LMAN1: variants seen among roughly 807,000 people sequenced by gnomAD.
LMAN1 encodes protein ERGIC-53.
Under a neutral mutation model 67.8 loss-of-function variants are expected in LMAN1, and 32 were observed. The observed-to-expected ratio is 0.47, with a 90% CI of 0.36 to 0.63. The LOEUF is 0.63. Ranked by LOEUF, LMAN1 falls within the 30% of genes least tolerant of loss-of-function variation. The pLI, the probability that LMAN1 is intolerant of heterozygous loss-of-function variation, is 0.00. For missense variants in LMAN1, 632 were observed against 628.2 expected (o/e 1.01, Z -0.06); for synonymous variants, 235 against 219.3 (o/e 1.07, Z -0.63).
chr18:59,350,755 A>G (rs1908526701), intron 5 of LMAN1, among the ~76,000 whole-genome samples: 1 of 152,082 alleles, frequency 6.6e-6, no homozygotes. Flanking sequence ...TCGGCCTCCT[A>G]AAGTGCTAGG....
chr18:59,332,839 G>A (rs1394269312), intron 11 of LMAN1, among the ~76,000 whole-genome samples: 1 of 152,066 alleles, frequency 6.6e-6, no homozygotes, highest in East Asian at 1.9e-4. Context: ...ATGGAAATCA[G>A]AAAATATTTT....
intron 1 of LMAN1, among the ~76,000 whole-genome samples, chr18:59,357,254 C>T (rs1206597446): frequency 6.6e-6 from 1 of 152,182 alleles, no homozygotes; most frequent in East Asian, 1.9e-4. Flanking sequence ...ATTATCTTGA[C>T]ATTTCTGCAG....
intron 5 of LMAN1, chr18:59,351,278 A>G (rs891104970): frequency 3.9e-5 from 6 of 152,248 alleles, no homozygotes; most frequent in Non-Finnish European, 7.3e-5. Flanking sequence ...CATTAGAGAA[A>G]AAAAAATACT....
intron 8 of LMAN1, among the ~76,000 whole-genome samples, chr18:59,342,975 T>C (rs1029989162): frequency 2.7e-5 from 4 of 150,650 alleles, no homozygotes; most frequent in Non-Finnish European, 5.9e-5. Flanking sequence ...AAAATTAATG[T>C]ACAGAAATCG....
chr18:59,352,528 A>G (rs17769358), intron 5 of LMAN1, among the ~76,000 whole-genome samples: 20,790 of 152,138 alleles, frequency 0.14, 1,599 homozygotes, highest in Non-Finnish European at 0.18. Context: ...GATCTCTTCT[A>G]TCTCCCAGCC....
chr18:59,346,153 C>T (rs528124637), intron 7 of LMAN1, 102 bp from the exon 8 acceptor site: 102 of 919,800 alleles, frequency 1.1e-4, no homozygotes, highest in South Asian at 6.1e-4. Context: ...CTACCACTAG[C>T]GGAAAGGTTA....
At chr18:59,354,327 A>G (rs1908611366) in intron 4 of LMAN1, among the ~76,000 whole-genome samples, 192 bp downstream of exon 4, 1 of 152,242 alleles carries the variant, frequency 6.6e-6, no homozygotes, top group Non-Finnish European at 1.5e-5. Flanking sequence ...GTTGAATCTG[A>G]GATGGTCCAC....
chr18:59,351,466 C>T (rs1009675780), intron 5 of LMAN1: 1 of 152,128 alleles, frequency 6.6e-6, no homozygotes, highest in African/African-American at 2.4e-5. Flanking sequence ...ACGTGTCCAG[C>T]CAGTCTCTTC....
intron 8 of LMAN1, 47 bp downstream of exon 8, chr18:59,345,872 G>A: frequency 6.2e-7 from 1 of 1,611,214 alleles, no homozygotes; most frequent in African/African-American, 1.3e-5. Context: ...ATGATCAACA[G>A]CCTCAAGCCC....
At chr18:59,346,086 A>C in intron 7 of LMAN1, 35 bp from the exon 8 acceptor site, 1 of 1,539,148 alleles carries the variant, frequency 6.5e-7, no homozygotes, top group East Asian at 2.2e-5. Context: ...ATCATTAAAA[A>C]GATAAGAAAA....
In LMAN1 at chr18:59,359,173, G is replaced by C. The variant is rs773505195; in HGVS notation, c.72C>G (p.Leu24=). The C allele has an allele frequency of 6.2e-7, 1 of 1,614,066 alleles. No individual in the cohort carries two copies. The highest frequency in any genetic ancestry group is 8.5e-7 in the Non-Finnish European group (1 of 1,179,962). The change falls in exon 1 of 13, where the codon CTC becomes CTG. Residue 24 remains leucine (L), a synonymous_variant. Transcript: ENST00000251047. ...CGCCGTCGCCCCGGACGAAGCGACC[G>C]AGTGACAGCAGCAAGGCGCAGAACA... The part of the protein sequence containing the change: ...RPLFCALLLS[L]GRFVRGDGVG...
chr18:59,331,183 A>G, intron 12 of LMAN1, 54 bp from the exon 13 acceptor site: 1 of 1,436,558 alleles, frequency 7.0e-7, no homozygotes, highest in Non-Finnish European at 9.8e-7. Flanking sequence ...TTAACTTTGG[A>G]AAGAAACAGG....
At chr18:59,358,957 A>C in intron 1 of LMAN1, 74 bp downstream of exon 1, 843 of 1,295,058 alleles carry the variant, frequency 6.5e-4, no homozygotes, top group Middle Eastern at 1.0e-3. Context: ...ACACCAGGGT[A>C]GCCGCGGATG....
At chr18:59,333,368 A>T in intron 10 of LMAN1, 124 bp from the exon 11 acceptor site, 2 of 722,006 alleles carry the variant, frequency 2.8e-6, no homozygotes, top group South Asian at 1.9e-5. Context: ...AAAAACAGGT[A>T]AAGTATCTTT....
In LMAN1 at chr18:59,349,259, T is replaced by C. The variant is rs774169549; in HGVS notation, c.640-23A>G. 6.9e-6 allele frequency: 11 copies of C among 1,600,048 alleles called. No homozygotes were observed. The African/African-American group carries it at 1.1e-4, about 16-fold the overall frequency. On this transcript the variant is annotated intron_variant, in intron 5 of 12. Coordinates refer to ENST00000251047, the MANE Select transcript of LMAN1 (RefSeq NM_005570.4). Reference sequence around the variant, plus strand: ...TACCTAGAAAGACATATCATAGCTATAGCTTTTGCAAAAGACATTAGAAAA... The same window carrying C: ...TACCTAGAAAGACATATCATAGCTACAGCTTTTGCAAAAGACATTAGAAAA...
rs41514148 is a variant in LMAN1 at position 59,347,681 on chromosome 18, G to A, written c.764-110C>T. ...GTTTTAAATAACAATAACCAGTGAG[G>A]GAATTGACAAAAATTAGCACTAATT... is the stretch of plus-strand genomic sequence containing the variant. On this transcript the variant is annotated intron_variant, in intron 6 of 12. Transcript: ENST00000251047. The A allele has an allele frequency of 2.1e-3, 1,754 of 830,840 alleles. 28 individuals carry two copies. The African/African-American group carries it at 0.027, about 13-fold the overall frequency. The allele number at this position is 830,840 out of a possible 1,614,324, so 51.5% of individuals were successfully genotyped here.
chr18:59,331,250 CAT>C (rs1452092334), intron 12 of LMAN1, 121 bp from the exon 13 acceptor site: 6 of 1,061,010 alleles, frequency 5.7e-6, no homozygotes, highest in East Asian at 2.5e-5. Flanking sequence ...TTAAGATAAA[CAT>C]ATATTCTACA....
intron 8 of LMAN1, among the ~76,000 whole-genome samples, chr18:59,343,132 G>A (rs560123439): frequency 1.3e-5 from 2 of 149,498 alleles, no homozygotes; most frequent in South Asian, 2.1e-4. Flanking sequence ...TCAAAACAAC[G>A]ATGAGAGAAA....
intron 11 of LMAN1, 114 bp downstream of exon 11, chr18:59,332,977 A>T: frequency 1.2e-6 from 1 of 867,378 alleles, no homozygotes; most frequent in Non-Finnish European, 1.8e-6. Context: ...ATTCTACCTT[A>T]AACATTAAAA....
Sources: gnomAD v4.1 joint callset for allele counts (sites outside exome capture counted in the v4.1 genomes callset) on GRCh38, gnomAD v4.1.1 for gene constraint, MANE v1.5 for transcripts, NCBI Gene and HGNC (gene_info 2026-07-23, HGNC 2026-07-21) for gene names.